The following GLRA2 variants were observed in gnomAD, a reference collection of about 807,000 sequenced individuals.
The protein encoded by GLRA2 is glycine receptor alpha 2.
GLRA2 carries 11 observed loss-of-function variants against 31.6 expected under a neutral mutation model. The observed-to-expected ratio is 0.35, with a 90% CI of 0.22 to 0.58. The LOEUF (loss-of-function observed/expected upper bound fraction) is 0.58. Ranked by LOEUF, GLRA2 falls within the 20% of genes least tolerant of loss-of-function variation. The probability of loss-of-function intolerance (pLI) is 0.84; values close to 1 mark genes in which losing one functional copy is unlikely to be tolerated. For synonymous variants in GLRA2, 132 were observed against 134.0 expected, an observed-to-expected ratio of 0.99 and a Z score of 0.10; for missense variants, 212 against 351.8, an observed-to-expected ratio of 0.60 and a Z score of 3.18.
the GLRA2 span, among the ~76,000 whole-genome samples, chrX:14,463,354 C>T: frequency 1.8e-3 from 198 of 111,597 alleles, 2 homozygotes; most frequent in East Asian, 0.033. Flanking sequence ...GCTCGTATGC[C>T]ATGCTGGGAG....
chrX:14,571,778 A>T (rs1257695803), intron 2 of GLRA2, among the ~76,000 whole-genome samples: 1 of 111,312 alleles, frequency 9.0e-6, no homozygotes, highest in Admixed American at 9.5e-5. Context: ...ACCAAAAAAA[A>T]GTGCCCAAAA....
intron 3 of GLRA2, among the ~76,000 whole-genome samples, chrX:14,579,684 C>T (rs1046394173): frequency 9.0e-6 from 1 of 111,389 alleles, no homozygotes; most frequent in African/African-American, 3.3e-5. Flanking sequence ...TCTAAATTAG[C>T]AGTGCAATGG....
the GLRA2 span, among the ~76,000 whole-genome samples, chrX:14,491,927 G>A: frequency 9.0e-6 from 1 of 111,647 alleles, no homozygotes; most frequent in Non-Finnish European, 1.9e-5. Flanking sequence ...TAAAGTCTTT[G>A]TGCACTTTAC....
chrX:14,558,271 G>C lies in GLRA2; in HGVS notation c.203-16062G>C, dbSNP rs192821990. On this transcript the variant is annotated intron_variant, in intron 2 of 8. Transcript: ENST00000218075. Reference sequence around the variant, plus strand: ...ATAACAGTAACTACGATCTATTAAGGAACCATTACATGCCTTCCATACATT... The same window carrying C: ...ATAACAGTAACTACGATCTATTAAGCAACCATTACATGCCTTCCATACATT... Among the ~76,000 whole-genome samples, 41 of 111,681 alleles carry C rather than the reference G, an allele frequency of 3.7e-4. No individual in the cohort carries two copies. In the East Asian group the frequency reaches 0.01, roughly 28 times the overall value.
At chrX:14,521,263 T>C in the GLRA2 span, among the ~76,000 whole-genome samples, 1 of 112,255 alleles carries the variant, frequency 8.9e-6, no homozygotes, top group Non-Finnish European at 1.9e-5. Context: ...TATGAGTCAG[T>C]GGAGTGAGTG....
intron 8 of GLRA2, among the ~76,000 whole-genome samples, chrX:14,718,412 A>G (rs1421498059): frequency 7.1e-5 from 8 of 112,321 alleles, no homozygotes; most frequent in Non-Finnish European, 1.5e-4. Context: ...TGAAAGTGTA[A>G]TATTTGGCAC....
At chrX:14,592,199 G>A (rs2090152400) in intron 4 of GLRA2, among the ~76,000 whole-genome samples, 1 of 111,681 alleles carries the variant, frequency 9.0e-6, no homozygotes, top group African/African-American at 3.3e-5. Flanking sequence ...CATTCTTCAT[G>A]TCCCTTAGGG....
In GLRA2 at chrX:14,674,431, T is replaced by C. The variant is rs144930063; in HGVS notation, c.931-16279T>C. Among the ~76,000 whole-genome samples, 353 of 112,112 alleles carry C rather than the reference T, an allele frequency of 3.1e-3. 1 individual carries two copies. Among genetic ancestry groups the C allele is most frequent in the African/African-American group, 0.01 (319 of 30,828 alleles). ...AAAACTGCCTTGAATTATGCAAGTT[T>C]TGAATTATGCAGTGTCTTCAGGGGC... On this transcript the variant is annotated intron_variant, in intron 7 of 8. Transcript: ENST00000218075.
chrX:14,475,592 T>C, the GLRA2 span, among the ~76,000 whole-genome samples: 1 of 111,275 alleles, frequency 9.0e-6, no homozygotes, highest in Non-Finnish European at 1.9e-5. Context: ...GTTCTTCTTA[T>C]TTACATTAAA....
intron 7 of GLRA2, among the ~76,000 whole-genome samples, chrX:14,616,726 T>A (rs2090457971): frequency 8.9e-6 from 1 of 112,029 alleles, no homozygotes. Context: ...ATCAGGTATA[T>A]CCCCAGCTAA....
In GLRA2 at chrX:14,690,871, C is replaced by T. The variant is rs2147184886; in HGVS notation, c.1080+12C>T. 1 of 1,206,915 alleles carries T rather than the reference C, an allele frequency of 8.3e-7. No homozygotes were observed. Among genetic ancestry groups the T allele is most frequent in the Non-Finnish European group, 1.1e-6 (1 of 891,752 alleles). ...AGAGGCAGAATAAGGTATGATTGCC[C>T]CTCAGTTCAGACAATGTAGAGCTTG... On this transcript the variant is annotated intron_variant, in intron 8 of 8. Transcript: ENST00000218075.
chrX:14,541,381 A>G, intron 2 of GLRA2, among the ~76,000 whole-genome samples: 1 of 111,491 alleles, frequency 9.0e-6, no homozygotes, highest in Admixed American at 9.5e-5. Context: ...TTTGATTATC[A>G]CACTTGAAAT....
At chrX:14,702,415 C>T (rs2091557304) in intron 8 of GLRA2, among the ~76,000 whole-genome samples, 1 of 111,854 alleles carries the variant, frequency 8.9e-6, no homozygotes, top group Non-Finnish European at 1.9e-5. Flanking sequence ...CCCTGAAGCC[C>T]CTCCCTAGAG....
At chrX:14,577,837 A>G (rs1160401567) in intron 3 of GLRA2, among the ~76,000 whole-genome samples, 1 of 111,654 alleles carries the variant, frequency 9.0e-6, no homozygotes, top group Non-Finnish European at 1.9e-5. Flanking sequence ...AGCTTTCTTT[A>G]CCATACCGCT....
chrX:14,610,329 G>A (rs1348936206), intron 7 of GLRA2, among the ~76,000 whole-genome samples: 1 of 111,451 alleles, frequency 9.0e-6, no homozygotes, highest in African/African-American at 3.3e-5. Context: ...AATAGAGGTG[G>A]GCTGAATACT....
At chrX:14,456,412 G>A in the GLRA2 span, among the ~76,000 whole-genome samples, 13 of 110,780 alleles carry the variant, frequency 1.2e-4, no homozygotes, top group South Asian at 7.7e-4. Flanking sequence ...ATATATTATC[G>A]TTAGCTATAT....
the GLRA2 span, among the ~76,000 whole-genome samples, chrX:14,452,235 C>T: frequency 8.9e-6 from 1 of 112,465 alleles, no homozygotes; most frequent in African/African-American, 3.2e-5. Flanking sequence ...TCAAAATATT[C>T]CTTCCTCTAT....
chrX:14,449,059 G>A, the GLRA2 span, among the ~76,000 whole-genome samples: 2 of 112,362 alleles, frequency 1.8e-5, no homozygotes, highest in Non-Finnish European at 3.8e-5. Context: ...TCAGACCTCT[G>A]CGTGAGCTGG....
intron 7 of GLRA2, among the ~76,000 whole-genome samples, chrX:14,667,800 CTA>C (rs2091050237): frequency 9.0e-6 from 1 of 111,535 alleles, no homozygotes; most frequent in Non-Finnish European, 1.9e-5. Flanking sequence ...TTTTATCTAT[CTA>C]TATTTCTTTC....
Sources: gnomAD v4.1 joint callset for allele counts (sites outside exome capture counted in the v4.1 genomes callset) on GRCh38, gnomAD v4.1.1 for gene constraint, MANE v1.5 for transcripts, NCBI Gene and HGNC (gene_info 2026-07-23, HGNC 2026-07-21) for gene names.